XDH: variants seen among roughly 807,000 people sequenced by gnomAD.
XDH encodes the protein xanthine dehydrogenase, also known as xanthine dehydrogenase/oxidase.
Under a neutral mutation model 156.1 loss-of-function variants are expected in XDH, and 138 were observed. The observed-to-expected ratio is 0.88, with a 90% CI of 0.77 to 1.02. The LOEUF (loss-of-function observed/expected upper bound fraction) is 1.02. Ranked by LOEUF, XDH falls within the 50% of genes least tolerant of loss-of-function variation. The pLI, the probability that XDH is intolerant of heterozygous loss-of-function variation, is 0.00. For synonymous variants in XDH, 669 were observed against 625.7 expected (o/e 1.07, Z -1.03); for missense variants, 1,849 against 1,684.9 (o/e 1.10, Z -1.71).
chr2:31,386,472 C>T lies in XDH; in HGVS notation c.735G>A (p.Leu245=), dbSNP rs1231398638. The T allele has an allele frequency of 1.2e-6, 2 of 1,613,958 alleles. No individual in the cohort carries two copies. The highest frequency in any genetic ancestry group is 2.7e-5 in the African/African-American group (2 of 74,918). Residue 245 remains leucine, a synonymous_variant, in exon 9 of 36, where the codon CTG becomes CTA. Transcript: ENST00000379416. ...CAGGGTGCTGAGCCTTGAGGTCCAG[C>T]AGCTCCTTGAGGGTTGAGGCCTGTA... ...TWIQASTLKE[L]LDLKAQHPDA... is the part of the protein sequence containing the mutation.
At chr2:31,375,023 C>CTTTCTTT (rs765524563) in intron 15 of XDH, among the ~76,000 whole-genome samples, 6 of 92,348 alleles carry the variant, frequency 6.5e-5, no homozygotes, top group South Asian at 3.7e-4. Context: ...TTCTTTCTTT[C>CTTTCTTT]TTTTTTTTTT....
intron 12 of XDH, 126 bp downstream of exon 12, chr2:31,381,506 TG>T: frequency 1.1e-6 from 1 of 946,538 alleles, no homozygotes; most frequent in Non-Finnish European, 1.7e-6. Flanking sequence ...CATGCTTCCC[TG>T]GATCCAAATC....
rs1251145695 is a variant in XDH, at chr2:31,335,627, C to T, written c.*331G>A. ...CTTCAAAGGACAGACACCATCAGAA[C>T]TTGAGGTTATACAGGCTGTCCAGTA... On this transcript the variant is annotated 3_prime_UTR_variant, in exon 36 of 36. Coordinates refer to ENST00000379416, the MANE Select transcript of XDH (RefSeq NM_000379.4). 1 of 431,976 alleles carries T rather than the reference C, an allele frequency of 2.3e-6. No homozygotes were observed. The highest frequency in any genetic ancestry group is 4.3e-6 in the Non-Finnish European group (1 of 231,682). The allele number at this position is 431,976 out of a possible 1,614,324, so 26.8% of individuals were successfully genotyped here. A position where few individuals can be genotyped will look rare whatever the true frequency, so the allele number is the denominator to read the frequency against.
chr2:31,405,141 G>T (rs1400570024), intron 2 of XDH, among the ~76,000 whole-genome samples: 1 of 152,116 alleles, frequency 6.6e-6, no homozygotes, highest in African/African-American at 2.4e-5. Context: ...ACATATCAAG[G>T]CCTCAGTTCC....
intron 21 of XDH, 25 bp downstream of exon 21, chr2:31,366,845 T>C (rs1685926933): frequency 2.5e-6 from 4 of 1,613,532 alleles, no homozygotes; most frequent in South Asian, 1.1e-5. Context: ...TGACAGCCCC[T>C]TGAGCTGACC....
At chr2:31,393,022 A>T (rs1483009484) in intron 6 of XDH, among the ~76,000 whole-genome samples, 1 of 152,178 alleles carries the variant, frequency 6.6e-6, no homozygotes, top group Non-Finnish European at 1.5e-5. Context: ...ATGCAATTTA[A>T]ATTTGTAAAT....
chr2:31,376,034 G>A (rs1686235359), intron 14 of XDH, among the ~76,000 whole-genome samples: 2 of 152,102 alleles, frequency 1.3e-5, no homozygotes, highest in Non-Finnish European at 2.9e-5. Flanking sequence ...GTGCTGTAAG[G>A]ATTTCCTAGG....
chr2:31,392,709 C>T (rs866390468), intron 6 of XDH, among the ~76,000 whole-genome samples: 14 of 152,254 alleles, frequency 9.2e-5, no homozygotes, highest in South Asian at 6.2e-4. Flanking sequence ...AGGCATGAGC[C>T]GTCGTGCCTG....
intron 6 of XDH, among the ~76,000 whole-genome samples, chr2:31,388,897 TCAGA>T (rs1686684168): frequency 6.6e-6 from 1 of 152,136 alleles, no homozygotes; most frequent in African/African-American, 2.4e-5. Flanking sequence ...AGTATGCAGG[TCAGA>T]CCACCCAGCA....
chr2:31,405,990 A>C (rs760305910), intron 1 of XDH, 26 bp from the exon 2 acceptor site: 4 of 1,610,140 alleles, frequency 2.5e-6, no homozygotes, highest in Admixed American at 1.7e-5. Flanking sequence ...AAAGAAAAAT[A>C]TATCATAGGT....
chr2:31,346,499 C>T (rs370381870), intron 30 of XDH, among the ~76,000 whole-genome samples: 1 of 151,992 alleles, frequency 6.6e-6, no homozygotes. Context: ...CAGGCTCAGG[C>T]AAAGAAAACC....
chr2:31,356,000 G>A (rs1397048795), intron 24 of XDH, among the ~76,000 whole-genome samples: 1 of 152,092 alleles, frequency 6.6e-6, no homozygotes, highest in Non-Finnish European at 1.5e-5. Flanking sequence ...GTAGACTTCA[G>A]AGCAAATACA....
At chr2:31,403,313 A>C (rs1687111659) in intron 2 of XDH, among the ~76,000 whole-genome samples, 169 bp from the exon 3 acceptor site, 1 of 152,162 alleles carries the variant, frequency 6.6e-6, no homozygotes, top group African/African-American at 2.4e-5. Context: ...GAGGGGCTGC[A>C]CTGCACCCTA....
intron 34 of XDH, 75 bp from the exon 35 acceptor site, chr2:31,337,892 G>A (rs1280231484): frequency 1.2e-5 from 19 of 1,539,376 alleles, no homozygotes; most frequent in Non-Finnish European, 4.4e-6. Context: ...GGACCTAGGA[G>A]GCCAGGCAGC....
Position 31,379,956 on chromosome 2 carries a change from T to A in XDH, c.1153A>T (p.Met385Leu). 6.2e-7 allele frequency: 1 copy of A among 1,614,046 alleles called. No individual in the cohort carries two copies. The highest frequency in any genetic ancestry group is 8.5e-7 in the Non-Finnish European group (1 of 1,180,028). Reference sequence around the variant, plus strand: ...TAGCCAGGGAAGAAGGTGTGGTCCATCTGGACAGTTCTCCTGGTGCCTGTA... The same window carrying A: ...TAGCCAGGGAAGAAGGTGTGGTCCAACTGGACAGTTCTCCTGGTGCCTGTA... ...VSRGTRRTVQ[M>L]DHTFFPGYRK... The change falls in exon 13 of 36, where the codon ATG (methionine) becomes TTG (leucine). Residue 385 changes from methionine to leucine, a missense_variant. By Grantham distance (15) the Met-to-Leu change is conservative. Transcript: ENST00000379416.
At position 31,368,535 on chromosome 2, in the gene XDH, A is replaced by T. The variant is rs907246069; in HGVS notation, c.2100+6T>A. ...TCCTCTACACAGGCAGCCCATTCTC[A>T]GTTACCTCAATTGTGATAATGGCTG... On this transcript the variant is annotated splice_donor_region_variant and intron_variant, in intron 19 of 35. Coordinates refer to ENST00000379416, the MANE Select transcript of XDH (RefSeq NM_000379.4). 2 of 1,614,012 alleles carry T rather than the reference A, an allele frequency of 1.2e-6. No homozygotes were observed. Among genetic ancestry groups the T allele is most frequent in the Admixed American group, 1.7e-5 (1 of 60,002 alleles).
At chr2:31,390,163 T>C (rs183913583) in intron 6 of XDH, among the ~76,000 whole-genome samples, 3 of 152,360 alleles carry the variant, frequency 2.0e-5, no homozygotes, top group Admixed American at 6.5e-5. Context: ...CTCTGTACCC[T>C]GACTATTCAT....
intron 17 of XDH, among the ~76,000 whole-genome samples, chr2:31,371,253 C>T (rs1286459107): frequency 2.0e-5 from 3 of 152,212 alleles, no homozygotes; most frequent in Non-Finnish European, 4.4e-5. Context: ...TGTAAACTGC[C>T]CTGAAGTTCT....
intron 31 of XDH, among the ~76,000 whole-genome samples, chr2:31,343,239 G>T (rs1191923516): frequency 2.9e-5 from 4 of 137,324 alleles, no homozygotes; most frequent in Non-Finnish European, 6.1e-5. Context: ...GTATGTGTAG[G>T]TCAGATATTA....
Sources: allele counts gnomAD v4.1 joint callset (sites outside exome capture counted in the v4.1 genomes callset), GRCh38; gene constraint gnomAD v4.1.1; transcripts MANE v1.5; gene names NCBI Gene and HGNC (gene_info 2026-07-23, HGNC 2026-07-21).